The following PSME4 variants were observed in gnomAD, a reference collection of about 807,000 sequenced individuals.
The protein encoded by PSME4 is proteasome activator subunit 4.
A neutral mutation model predicts 253.9 loss-of-function variants in PSME4; 89 were observed. That is an observed-to-expected ratio of 0.35 (90% confidence interval 0.30 to 0.42). The LOEUF (loss-of-function observed/expected upper bound fraction) is 0.42. Ranked by LOEUF, PSME4 falls within the 10% of genes least tolerant of loss-of-function variation. The probability of loss-of-function intolerance (pLI) is 1.00; values close to 1 mark genes in which losing one functional copy is unlikely to be tolerated. For synonymous variants in PSME4, 851 were observed against 759.2 expected (o/e 1.12, Z -1.99); for missense variants, 2,014 against 2,195.2 (o/e 0.92, Z 1.65).
At chr2:53,869,148 T>A (rs1161765836) in intron 44 of PSME4, among the ~76,000 whole-genome samples, 2 of 152,206 alleles carry the variant, frequency 1.3e-5, no homozygotes, top group African/African-American at 4.8e-5. Context: ...ACAATAGTTG[T>A]TAGGTAGCAG....
At position 53,970,976 on chromosome 2, in the gene PSME4, G is replaced by T. The variant is rs1222857284; in HGVS notation, c.-192C>A. The stretch of plus-strand genomic sequence containing the variant: ...CCCACGCGGCTCTCAGTTCGTTGGC[G>T]GCGGCAGCGGCCGCTCTGCCCGCCC... On this transcript the variant is annotated 5_prime_UTR_variant, in exon 1 of 47. Transcript: ENST00000404125. The T allele has an allele frequency of 1.5e-5, 7 of 472,448 alleles. No homozygotes were observed. Among genetic ancestry groups the T allele is most frequent in the Non-Finnish European group, 2.2e-5 (6 of 276,914 alleles). 29.3% of individuals were successfully genotyped at this position (472,448 alleles called of 1,614,324 possible).
At chr2:53,922,270 CAATT>C (rs1346484810) in intron 17 of PSME4, among the ~76,000 whole-genome samples, 1 of 152,156 alleles carries the variant, frequency 6.6e-6, no homozygotes, top group Non-Finnish European at 1.5e-5. Context: ...TCAACTTTTT[CAATT>C]AATGAGTTAC....
chr2:53,961,561 C>T (rs903585857), intron 1 of PSME4, among the ~76,000 whole-genome samples: 1 of 152,006 alleles, frequency 6.6e-6, no homozygotes, highest in African/African-American at 2.4e-5. Context: ...GCCCGTGGTC[C>T]CAGCTACTCC....
At chr2:53,909,783 G>A (rs1352550493) in intron 21 of PSME4, among the ~76,000 whole-genome samples, 2 of 152,116 alleles carry the variant, frequency 1.3e-5, no homozygotes, top group East Asian at 3.9e-4. Flanking sequence ...CCACCACGGT[G>A]AAACTCTGTC....
chr2:53,954,966 G>C (rs1431479428), intron 1 of PSME4, among the ~76,000 whole-genome samples: 1 of 152,086 alleles, frequency 6.6e-6, no homozygotes, highest in South Asian at 2.1e-4. Flanking sequence ...GATCACTTGA[G>C]GACAGGAATT....
chr2:53,949,036 T>A lies in PSME4; in HGVS notation c.383+107A>T, dbSNP rs562851472. ...ATGTTTTTTGCAATCATTTTCCAAA[T>A]TGGCAATTTGAGACTTGGTCTTCTT... On this transcript the variant is annotated intron_variant, in intron 2 of 46. Coordinates refer to ENST00000404125, the MANE Select transcript of PSME4 (RefSeq NM_014614.3). The A allele has an allele frequency of 3.5e-5, 48 of 1,362,094 alleles. No homozygotes were observed. The African/African-American group carries it at 6.1e-4, about 17-fold the overall frequency. The allele number at this position is 1,362,094 out of a possible 1,614,324, so 84.4% of individuals were successfully genotyped here.
intron 21 of PSME4, among the ~76,000 whole-genome samples, chr2:53,909,639 G>C (rs1168506764): frequency 6.6e-6 from 1 of 152,068 alleles, no homozygotes; most frequent in Non-Finnish European, 1.5e-5. Flanking sequence ...TATCAAAAAA[G>C]AGATTAGGAA....
intron 10 of PSME4, among the ~76,000 whole-genome samples, chr2:53,929,788 C>A (rs1311110542): frequency 2.0e-5 from 3 of 152,186 alleles, no homozygotes; most frequent in South Asian, 4.2e-4. Context: ...GAGGCCAAGG[C>A]AGGCGGACTG....
In PSME4 at chr2:53,923,088, C is replaced by T. The variant is rs372294418; in HGVS notation, c.1939G>A (p.Val647Ile). 8.1e-6 allele frequency: 13 copies of T among 1,607,404 alleles called. No individual in the cohort carries two copies. In the African/African-American group the frequency reaches 1.3e-4, roughly 17 times the overall value. Residue 647 changes from valine (V) to isoleucine (I), a missense_variant, in exon 16 of 47, where the codon GTT (valine) becomes ATT (isoleucine). By Grantham distance (29) the Val-to-Ile change is conservative. Transcript: ENST00000404125. ...GTTATAACACTGCAGCAGTGGGGAACAAAGAGCTTCAAAGATTCTTCTGGG... is the reference window on the plus strand; with the variant it reads ...GTTATAACACTGCAGCAGTGGGGAATAAAGAGCTTCAAAGATTCTTCTGGG... ...CCPEESLKLF[V>I]PHCCSVITQL...
intron 8 of PSME4, among the ~76,000 whole-genome samples, chr2:53,933,683 T>C (rs564578071): frequency 1.3e-5 from 2 of 152,314 alleles, no homozygotes; most frequent in Non-Finnish European, 2.9e-5. Flanking sequence ...CACTCAGCCA[T>C]ATTTTCACAC....
intron 1 of PSME4, among the ~76,000 whole-genome samples, chr2:53,950,184 G>C (rs1474250762): frequency 6.6e-6 from 1 of 152,084 alleles, no homozygotes; most frequent in East Asian, 1.9e-4. Flanking sequence ...GGGGGCTGAG[G>C]TGGGAGGATC....
intron 44 of PSME4, 161 bp downstream of exon 44, chr2:53,869,215 G>C (rs552019908): frequency 2.2e-4 from 141 of 630,946 alleles, no homozygotes; most frequent in Non-Finnish European, 3.4e-4. Context: ...TCCAAGTCCT[G>C]CTTTCTATAT....
chr2:53,901,634 G>T, intron 27 of PSME4, 75 bp from the exon 28 acceptor site: 2 of 1,241,420 alleles, frequency 1.6e-6, no homozygotes, highest in South Asian at 1.5e-5. Flanking sequence ...ATGCACCTAT[G>T]TATTGGTTTT....
chr2:53,966,475 A>G (rs1670741489), intron 1 of PSME4, among the ~76,000 whole-genome samples: 1 of 152,086 alleles, frequency 6.6e-6, no homozygotes, highest in South Asian at 2.1e-4. Context: ...TGGCCTGGCC[A>G]ACATGGGGAA....
rs1668231890 is a variant in PSME4 at position 53,920,185 on chromosome 2, A to G, written c.2420+8T>C. The G allele has an allele frequency of 3.1e-6, 5 of 1,589,138 alleles. No homozygotes were observed. The highest frequency in any genetic ancestry group is 1.2e-5 in the South Asian group (1 of 86,514). ...ACTGAATAACTCTAATTATAAAATAAAACCAACCTAGACATTTCAAGTTTT... is the reference window on the plus strand; with the variant it reads ...ACTGAATAACTCTAATTATAAAATAGAACCAACCTAGACATTTCAAGTTTT... On this transcript the variant is annotated splice_region_variant and intron_variant, in intron 19 of 46. Transcript: ENST00000404125.
chr2:53,948,743 C>G (rs945997631), intron 2 of PSME4, among the ~76,000 whole-genome samples: 29 of 152,124 alleles, frequency 1.9e-4, no homozygotes, highest in Admixed American at 4.6e-4. Context: ...CAAAGAGCAG[C>G]AGATAAAAGA....
rs1179018356 is a variant in PSME4, at chr2:53,970,805, C to T, written c.-21G>A. The T allele has an allele frequency of 2.7e-6, 4 of 1,475,320 alleles. No individual in the cohort carries two copies. In the East Asian group the frequency reaches 7.6e-5, roughly 28 times the overall value. The allele number at this position is 1,475,320 out of a possible 1,614,324, so 91.4% of individuals were successfully genotyped here. On this transcript the variant is annotated 5_prime_UTR_variant, in exon 1 of 47. Coordinates refer to ENST00000404125, the MANE Select transcript of PSME4 (RefSeq NM_014614.3). ...TCCATGAGCCCAGGGACACCCCCCC[C>T]ACCCCCTCCCACCCGAACCCTCCCC... is the stretch of plus-strand genomic sequence containing the variant.
At chr2:53,907,002 T>C (rs1372657760) in intron 24 of PSME4, 134 bp from the exon 25 acceptor site, 2 of 700,032 alleles carry the variant, frequency 2.9e-6, no homozygotes, top group Non-Finnish European at 4.8e-6. Context: ...ATTTCCTTTA[T>C]TCTAAAGACA....
intron 32 of PSME4, among the ~76,000 whole-genome samples, chr2:53,896,585 T>G (rs1680148178): frequency 6.6e-6 from 1 of 152,180 alleles, no homozygotes; most frequent in African/African-American, 2.4e-5. Context: ...AATTGCTTAG[T>G]AGGTGAGATA....
Sources: allele counts gnomAD v4.1 joint callset (sites outside exome capture counted in the v4.1 genomes callset), GRCh38; gene constraint gnomAD v4.1.1; transcripts MANE v1.5; gene names NCBI Gene and HGNC (gene_info 2026-07-23, HGNC 2026-07-21).